Variants in GOLGA3 observed in about 807,000 individuals in gnomAD.
GOLGA3 encodes golgin A3.
Under a neutral mutation model 169.4 loss-of-function variants are expected in GOLGA3, and 75 were observed. The ratio of observed to expected loss-of-function variants is 0.44; its 90% confidence interval spans 0.37 to 0.54. The LOEUF (loss-of-function observed/expected upper bound fraction) is 0.54. GOLGA3 is among the 20% of genes least tolerant of loss of function. The pLI is 0.00. For synonymous variants in GOLGA3, 824 were observed against 822.4 expected (o/e 1.00, Z -0.03); for missense variants, 1,899 against 1,930.0 (o/e 0.98, Z 0.30).
Position 132,808,384 on chromosome 12 carries a change from G to A in GOLGA3, c.685C>T (p.Pro229Ser). Reference protein sequence around the residue: ...RGPKVGSLGLPAHPREKKTSK... With the variant: ...RGPKVGSLGLSAHPREKKTSK... ...GTTTTTTTCTCCCTAGGATGTGCCG[G>A]AAGCCCCAGGCTGCCCACCTTAGGC... The change falls in exon 5 of 24, where the codon CCG (proline) becomes TCG (serine). Residue 229 changes from proline to serine, a missense_variant. Pro to Ser is a moderately conservative substitution (Grantham distance 74, BLOSUM62 -1). Coordinates refer to ENST00000450791, the MANE Select transcript of GOLGA3 (RefSeq NM_001389683.1). 6.2e-7 allele frequency: 1 copy of A among 1,614,098 alleles called. No homozygotes were observed. The highest frequency in any genetic ancestry group is 1.3e-5 in the African/African-American group (1 of 75,004).
At chr12:132,824,354 T>A (rs751165560) in intron 1 of GOLGA3, among the ~76,000 whole-genome samples, 3 of 152,222 alleles carry the variant, frequency 2.0e-5, no homozygotes, top group Non-Finnish European at 2.9e-5. Context: ...CCACCTTGCA[T>A]CCTACAGGCC....
chr12:132,812,460 TG>T (rs1339683109), intron 4 of GOLGA3, among the ~76,000 whole-genome samples: 1 of 152,164 alleles, frequency 6.6e-6, no homozygotes, highest in Non-Finnish European at 1.5e-5. Flanking sequence ...CAAAGTAAAC[TG>T]AAAACCTTCT....
Position 132,773,237 on chromosome 12 carries a change from C to T in GOLGA3, c.4365G>A (p.Glu1455=). ...QMEEHALTVH[E]SLSSWTPLEP... ...CCAGCGGCGTCCACGAGGACAGAGA[C>T]TCGTGCACCGTCAGGGCGTGCTCCT... Residue 1455 remains glutamate, a synonymous_variant, in exon 24 of 24, where the codon GAG becomes GAA. Coordinates refer to ENST00000450791, the MANE Select transcript of GOLGA3 (RefSeq NM_001389683.1). 1 of 1,553,526 alleles carries T rather than the reference C, an allele frequency of 6.4e-7. No individual in the cohort carries two copies. The highest frequency in any genetic ancestry group is 8.7e-7 in the Non-Finnish European group (1 of 1,144,934).
intron 9 of GOLGA3, among the ~76,000 whole-genome samples, chr12:132,798,021 G>A (rs958476161): frequency 3.3e-5 from 5 of 152,202 alleles, no homozygotes; most frequent in Non-Finnish European, 7.3e-5. Context: ...ACAGCCGGGG[G>A]CCCAGGCCCA....
In GOLGA3 at chr12:132,787,927, G is replaced by A. The variant is rs971516050; in HGVS notation, c.2811+1100C>T. Among the ~76,000 whole-genome samples, 11 of 69,386 alleles carry A rather than the reference G, an allele frequency of 1.6e-4. 1 individual carries two copies. Among genetic ancestry groups the A allele is most frequent in the South Asian group, 4.1e-4 (1 of 2,416 alleles). The allele number at this position is 69,386 out of a possible 152,430, so 45.5% of individuals were successfully genotyped here. ...CAGGACCCTTCCCTGGACCCCCCCC[G>A]GATGCCCTCCTCAGGATCAACTGTG... On this transcript the variant is annotated intron_variant, in intron 13 of 23. Transcript: ENST00000450791.
At chr12:132,787,439 G>A (rs1593265526) in intron 13 of GOLGA3, among the ~76,000 whole-genome samples, 2 of 140,248 alleles carry the variant, frequency 1.4e-5, no homozygotes, top group East Asian at 4.5e-4. Flanking sequence ...CCCTCCTCAA[G>A]GATCCAGACC....
At chr12:132,778,662 C>G (rs1385368585) in intron 18 of GOLGA3, among the ~76,000 whole-genome samples, 1 of 151,388 alleles carries the variant, frequency 6.6e-6, no homozygotes, top group Non-Finnish European at 1.5e-5. Flanking sequence ...ATTGGAAGGC[C>G]AAGGCGGGCA....
At chr12:132,825,322 C>T (rs545893587) in intron 1 of GOLGA3, among the ~76,000 whole-genome samples, 2 of 152,264 alleles carry the variant, frequency 1.3e-5, no homozygotes, top group South Asian at 2.1e-4. Flanking sequence ...CTGTACCTCA[C>T]GTGGCCTCCA....
At chr12:132,802,425 C>T (rs1393806752) in intron 7 of GOLGA3, among the ~76,000 whole-genome samples, 1 of 151,896 alleles carries the variant, frequency 6.6e-6, no homozygotes, top group Non-Finnish European at 1.5e-5. Context: ...CCAGGAGATC[C>T]AGACCAGCCT....
At chr12:132,795,468 A>C (rs1271791527) in intron 11 of GOLGA3, among the ~76,000 whole-genome samples, 1 of 152,164 alleles carries the variant, frequency 6.6e-6, no homozygotes, top group Non-Finnish European at 1.5e-5. Context: ...CTCTACTACA[A>C]ATACAAAAAT....
chr12:132,803,851 C>T (rs1469809414), intron 7 of GOLGA3, among the ~76,000 whole-genome samples: 2 of 152,116 alleles, frequency 1.3e-5, no homozygotes, highest in East Asian at 3.9e-4. Context: ...AGAGATGAGC[C>T]CACCAAGCGG....
intron 4 of GOLGA3, among the ~76,000 whole-genome samples, chr12:132,810,338 T>C (rs1224635308): frequency 1.3e-5 from 2 of 152,136 alleles, no homozygotes; most frequent in Admixed American, 6.6e-5. Flanking sequence ...TGCCCACATC[T>C]GCTTGCACGT....
intron 11 of GOLGA3, among the ~76,000 whole-genome samples, chr12:132,794,002 T>C (rs562753287): frequency 1.3e-5 from 2 of 152,296 alleles, no homozygotes; most frequent in Non-Finnish European, 1.5e-5. Context: ...CCCTACAATA[T>C]GGAGGGCGGT....
In GOLGA3 at chr12:132,807,928, C is replaced by T. The variant is rs200628173; in HGVS notation, c.1141G>A (p.Gly381Arg). ...CTGTCTCTCCGACTCCGCACCTCCC[C>T]GTTGACCTCCTGCCCCTGGTCTTGG... is the stretch of plus-strand genomic sequence containing the variant. ...EHQDQGQEVNGEVRSRRDSIC... is the reference protein window; with the variant it reads ...EHQDQGQEVNREVRSRRDSIC... Residue 381 changes from glycine (G) to arginine (R), a missense_variant, in exon 5 of 24, where the codon GGG becomes AGG. By Grantham distance (125) the Gly-to-Arg change is moderately radical. Coordinates refer to ENST00000450791, the MANE Select transcript of GOLGA3 (RefSeq NM_001389683.1). 2.7e-5 allele frequency: 44 copies of T among 1,612,684 alleles called. 1 individual carries two copies. Among genetic ancestry groups the T allele is most frequent in the Admixed American group, 8.4e-5 (5 of 59,800 alleles).
intron 4 of GOLGA3, among the ~76,000 whole-genome samples, chr12:132,811,612 C>A (rs1052439216): frequency 2.0e-5 from 3 of 151,786 alleles, no homozygotes; most frequent in Non-Finnish European, 4.4e-5. Flanking sequence ...AGGGGTGTGC[C>A]ATCACATCCG....
At chr12:132,781,937 A>G (rs1490930349) in intron 17 of GOLGA3, among the ~76,000 whole-genome samples, 2 of 151,946 alleles carry the variant, frequency 1.3e-5, no homozygotes, top group African/African-American at 4.8e-5. Context: ...CCCCCAACTA[A>G]GCAGGTCTGC....
intron 1 of GOLGA3, chr12:132,826,240 CAAA>C (rs752535211): frequency 9.7e-3 from 6,899 of 714,194 alleles, no homozygotes; most frequent in Middle Eastern, 0.018. Context: ...TCTCATTCTC[CAAA>C]AAAAAAAAAA....
intron 3 of GOLGA3, among the ~76,000 whole-genome samples, chr12:132,816,273 G>A (rs563118477): frequency 6.6e-6 from 1 of 152,362 alleles, no homozygotes; most frequent in South Asian, 2.1e-4. Flanking sequence ...GCACCTGGGT[G>A]ACACAGGACA....
intron 2 of GOLGA3, among the ~76,000 whole-genome samples, chr12:132,820,928 C>T (rs1029591182): frequency 6.6e-6 from 1 of 151,614 alleles, no homozygotes; most frequent in Non-Finnish European, 1.5e-5. Flanking sequence ...GGTGAAACCC[C>T]GTCTCTACTA....
Sources: gnomAD v4.1 joint callset for allele counts (sites outside exome capture counted in the v4.1 genomes callset) on GRCh38, gnomAD v4.1.1 for gene constraint, MANE v1.5 for transcripts, NCBI Gene and HGNC (gene_info 2026-07-23, HGNC 2026-07-21) for gene names.